FOXP1: variants seen among roughly 807,000 people sequenced by gnomAD.
FOXP1 encodes forkhead box P1, also known as forkhead box protein P1.
In FOXP1, 15 loss-of-function variants were observed where a neutral mutation model predicts 98.2. The ratio of observed to expected loss-of-function variants is 0.15; its 90% CI spans 0.10 to 0.24. FOXP1 has a LOEUF of 0.24. FOXP1 is among the 10% of genes least tolerant of loss of function. The pLI, the probability that FOXP1 is intolerant of heterozygous loss-of-function variation, is 1.00. For missense variants in FOXP1, 633 were observed against 848.5 expected (o/e 0.75, Z 3.15); for synonymous variants, 371 against 314.5 (o/e 1.18, Z -1.90).
chr3:71,194,052 A>G (rs1379028205), intron 6 of FOXP1, among the ~76,000 whole-genome samples: 1 of 152,216 alleles, frequency 6.6e-6, no homozygotes, highest in Non-Finnish European at 1.5e-5. Flanking sequence ...ATGTCAAAGA[A>G]AGAAGCCACG....
At chr3:71,057,564 A>C (rs1054587056) in intron 7 of FOXP1, among the ~76,000 whole-genome samples, 8 of 151,978 alleles carry the variant, frequency 5.3e-5, no homozygotes, top group Non-Finnish European at 1.2e-4. Context: ...GAATCATAGA[A>C]GGCAATTTAT....
At chr3:71,197,782 C>T (rs891462063) in intron 6 of FOXP1, 5 of 1,184,090 alleles carry the variant, frequency 4.2e-6, no homozygotes, top group Non-Finnish European at 6.0e-6. Context: ...CTCATCTACT[C>T]TTTTTCTCTC....
At chr3:71,142,998 T>A (rs1055618573) in intron 6 of FOXP1, among the ~76,000 whole-genome samples, 1 of 152,028 alleles carries the variant, frequency 6.6e-6, no homozygotes, top group African/African-American at 2.4e-5. Context: ...AGGGCTTGCA[T>A]ACTGGTCCCA....
At chr3:71,038,131 G>A (rs1194401678) in intron 11 of FOXP1, among the ~76,000 whole-genome samples, 1 of 152,158 alleles carries the variant, frequency 6.6e-6, no homozygotes, top group African/African-American at 2.4e-5. Context: ...GGCAAGAGTG[G>A]GGGAGAAGGA....
At chr3:71,382,091 G>T (rs916351517) in intron 3 of FOXP1, among the ~76,000 whole-genome samples, 3 of 152,110 alleles carry the variant, frequency 2.0e-5, no homozygotes, top group African/African-American at 7.2e-5. Flanking sequence ...GAGCAACATG[G>T]CGAGACCCTG....
chr3:70,957,095 C>G lies in FOXP1; in HGVS notation c.*2152G>C, dbSNP rs1189943698. The G allele has an allele frequency of 4.5e-6, 1 of 222,210 alleles. No individual in the cohort carries two copies. The highest frequency in any genetic ancestry group is 9.0e-6 in the Non-Finnish European group (1 of 111,210). The allele number at this position is 222,210 out of a possible 1,614,324, so 13.8% of individuals were successfully genotyped here. A position where few individuals can be genotyped will look rare whatever the true frequency, so the allele number is the denominator to read the frequency against. ...ATCTAGTTCAATTATGGAAGCTTTT[C>G]TGTCCTGACTCTAAACTGTCTCCTT... On this transcript the variant is annotated 3_prime_UTR_variant, in exon 21 of 21. Coordinates refer to ENST00000649528, the MANE Select transcript of FOXP1 (RefSeq NM_001349338.3).
chr3:71,081,489 G>A (rs772520380), intron 7 of FOXP1, among the ~76,000 whole-genome samples: 1 of 152,036 alleles, frequency 6.6e-6, no homozygotes, highest in Non-Finnish European at 1.5e-5. Flanking sequence ...AGGCAGAACC[G>A]AGACCAGAAC....
chr3:71,120,263 T>G (rs2058665826), intron 6 of FOXP1, among the ~76,000 whole-genome samples: 1 of 152,208 alleles, frequency 6.6e-6, no homozygotes, highest in East Asian at 1.9e-4. Context: ...GTAAATTCAC[T>G]TGACTCAACC....
intron 11 of FOXP1, among the ~76,000 whole-genome samples, chr3:71,018,385 T>G (rs547930796): frequency 6.6e-6 from 1 of 152,154 alleles, no homozygotes; most frequent in African/African-American, 2.4e-5. Context: ...GCTTGTGAAT[T>G]TGTCTCTTAG....
chr3:71,028,127 T>C (rs1285599017), intron 11 of FOXP1, among the ~76,000 whole-genome samples: 1 of 152,182 alleles, frequency 6.6e-6, no homozygotes, highest in Non-Finnish European at 1.5e-5. Flanking sequence ...ATGAATGAAA[T>C]TAAGGCCAAA....
At chr3:71,489,710 C>T (rs779359419) in intron 3 of FOXP1, among the ~76,000 whole-genome samples, 41 of 152,174 alleles carry the variant, frequency 2.7e-4, no homozygotes, top group Non-Finnish European at 5.0e-4. Flanking sequence ...AAGAGAGATA[C>T]GAAGTGCTCA....
intron 3 of FOXP1, among the ~76,000 whole-genome samples, chr3:71,443,283 T>C (rs1560494919): frequency 6.6e-6 from 1 of 152,260 alleles, no homozygotes. Flanking sequence ...GGTGTCATGA[T>C]AAAATCAGAG....
chr3:71,398,320 C>G (rs2081698591), intron 3 of FOXP1, among the ~76,000 whole-genome samples: 1 of 152,190 alleles, frequency 6.6e-6, no homozygotes, highest in Non-Finnish European at 1.5e-5. Context: ...ATTAACCACT[C>G]TCATTTTTTT....
At chr3:71,311,756 T>G (rs190386667) in intron 4 of FOXP1, among the ~76,000 whole-genome samples, 7 of 152,358 alleles carry the variant, frequency 4.6e-5, no homozygotes, top group Non-Finnish European at 7.3e-5. Flanking sequence ...GGCAGCTCTG[T>G]GCCCACAGGG....
At chr3:71,204,129 T>C (rs898539704) in intron 5 of FOXP1, among the ~76,000 whole-genome samples, 8 of 152,342 alleles carry the variant, frequency 5.3e-5, no homozygotes, top group Non-Finnish European at 8.8e-5. Flanking sequence ...GCTTTAGCTC[T>C]AAGAGAGGTA....
chr3:71,493,438 C>T lies in FOXP1; in HGVS notation c.-180G>A, dbSNP rs1307682070. The T allele has an allele frequency of 6.6e-6, 1 of 152,206 alleles. No homozygotes were observed. Among genetic ancestry groups the T allele is most frequent in the Non-Finnish European group, 1.5e-5 (1 of 68,034 alleles). 9.4% of individuals were successfully genotyped at this position (152,206 alleles called of 1,614,324 possible). On this transcript the variant is annotated 5_prime_UTR_variant, in exon 3 of 21. Coordinates refer to ENST00000649528, the MANE Select transcript of FOXP1 (RefSeq NM_001349338.3). ...TTCATTCACTCACCCTTTTGGCTAG[C>T]AGGCATCACATCCATCCGTTCATGG...
chr3:71,398,293 T>C (rs2081695205), intron 3 of FOXP1, among the ~76,000 whole-genome samples: 1 of 152,252 alleles, frequency 6.6e-6, no homozygotes, highest in South Asian at 2.1e-4. Context: ...TTGCTTCTGA[T>C]TTCTTTGAAT....
intron 3 of FOXP1, among the ~76,000 whole-genome samples, chr3:71,455,347 T>G (rs1178575667): frequency 1.3e-5 from 2 of 152,114 alleles, no homozygotes; most frequent in Non-Finnish European, 2.9e-5. Context: ...AAATCTAATA[T>G]TCACTTTGTC....
chr3:71,513,215 G>A (rs958763029), intron 2 of FOXP1, among the ~76,000 whole-genome samples: 22 of 151,924 alleles, frequency 1.4e-4, no homozygotes, highest in Non-Finnish European at 1.0e-4. Flanking sequence ...CTCTATCCAC[G>A]TGATTTTCAA....
Sources: allele counts gnomAD v4.1 joint callset (sites outside exome capture counted in the v4.1 genomes callset), GRCh38; gene constraint gnomAD v4.1.1; transcripts MANE v1.5; gene names NCBI Gene and HGNC (gene_info 2026-07-23, HGNC 2026-07-21).